The following ATIC variants were observed in gnomAD, a reference collection of about 807,000 sequenced individuals.
ATIC encodes the protein 5-aminoimidazole-4-carboxamide ribonucleotide formyltransferase/IMP cyclohydrolase, also known as bifunctional purine biosynthesis protein ATIC.
A neutral mutation model predicts 72.5 loss-of-function variants in ATIC; 64 were observed. The observed-to-expected ratio is 0.88, with a 90% CI of 0.72 to 1.09. The LOEUF (loss-of-function observed/expected upper bound fraction) is 1.09. Among genes scored for constraint, ATIC ranks in the 50% least tolerant of loss-of-function variants. The pLI is 0.00. For missense variants in ATIC, 787 were observed against 732.4 expected, an observed-to-expected ratio of 1.07 and a Z score of -0.86; for synonymous variants, 281 against 267.1, an observed-to-expected ratio of 1.05 and a Z score of -0.51.
chr2:215,332,530 G>T (rs781187321), intron 8 of ATIC, 23 bp downstream of exon 8: 2 of 1,612,486 alleles, frequency 1.2e-6, no homozygotes, highest in African/African-American at 2.7e-5. Context: ...GCTCTGGAAA[G>T]CTCCAGAATT....
At chr2:215,333,292 A>G in intron 8 of ATIC, 58 bp from the exon 9 acceptor site, 4 of 1,415,536 alleles carry the variant, frequency 2.8e-6, no homozygotes, top group Non-Finnish European at 4.0e-6. Context: ...TTGATTTAGG[A>G]GTTGACAGGT....
chr2:215,321,992 C>T lies in ATIC; in HGVS notation c.290+2261C>T, dbSNP rs2052772440. 2.0e-5 allele frequency among the ~76,000 whole-genome samples: 3 copies of T among 152,168 alleles called. No homozygotes were observed. In the South Asian group the frequency reaches 6.2e-4, roughly 32 times the overall value. On this transcript the variant is annotated intron_variant, in intron 4 of 15. Coordinates refer to ENST00000236959, the MANE Select transcript of ATIC (RefSeq NM_004044.7). ...CATCTTGGCTCACTGCAACCTCCAC[C>T]TCCCGGATTCAAGCGATTCTGCCTC...
In ATIC at chr2:215,332,306, A is replaced by G; in HGVS notation, c.689-76A>G. ...CTTAAAACATTTGTTTAGTCATGTT[A>G]TTTTTTTGAGAAGTGTGCATACATC... is the stretch of plus-strand genomic sequence containing the variant. On this transcript the variant is annotated intron_variant, in intron 7 of 15. Coordinates refer to ENST00000236959, the MANE Select transcript of ATIC (RefSeq NM_004044.7). 4 of 1,586,184 alleles carry G rather than the reference A, an allele frequency of 2.5e-6. No homozygotes were observed. In the Admixed American group the frequency reaches 6.7e-5, roughly 27 times the overall value.
chr2:215,347,736 C>A (rs2106045277), intron 14 of ATIC: 1 of 469,094 alleles, frequency 2.1e-6, no homozygotes, highest in Non-Finnish European at 4.2e-6. Context: ...TTGATATTAC[C>A]AGTCAACCCC....
the ATIC span, among the ~76,000 whole-genome samples, chr2:215,355,261 A>G: frequency 6.6e-6 from 1 of 152,176 alleles, no homozygotes; most frequent in South Asian, 2.1e-4. Context: ...CCCCATTAAC[A>G]TATATATGTC....
chr2:215,361,530 T>C, the ATIC span: 15 of 1,522,186 alleles, frequency 9.9e-6, no homozygotes, highest in African/African-American at 1.4e-5. Flanking sequence ...GAGACATGCT[T>C]GTTCCTCTGG....
At chr2:215,353,629 T>C (rs2053146750), downstream of ATIC, among the ~76,000 whole-genome samples, 1 of 152,138 alleles carries the variant, frequency 6.6e-6, no homozygotes, top group Non-Finnish European at 1.5e-5. Flanking sequence ...TGGCATGCTC[T>C]CAGCTCACTG....
chr2:215,344,691 C>A (rs565954676), intron 12 of ATIC, 88 bp from the exon 13 acceptor site: 6 of 1,323,924 alleles, frequency 4.5e-6, no homozygotes, highest in South Asian at 2.5e-5. Flanking sequence ...CTCAAAAAAA[C>A]CACAAAAAAT....
intron 2 of ATIC, among the ~76,000 whole-genome samples, chr2:215,313,045 C>T (rs1559264351): frequency 6.6e-6 from 1 of 151,992 alleles, no homozygotes; most frequent in Non-Finnish European, 1.5e-5. Flanking sequence ...TGTGGTGAGC[C>T]GAGATGGCAC....
intron 2 of ATIC, among the ~76,000 whole-genome samples, chr2:215,316,653 C>G (rs1016718594): frequency 5.1e-4 from 77 of 152,190 alleles, no homozygotes; most frequent in African/African-American, 1.8e-3. Flanking sequence ...GATTGTAATT[C>G]TTAACATGCT....
intron 3 of ATIC, 134 bp downstream of exon 3, chr2:215,318,367 G>T: frequency 1.2e-6 from 1 of 855,302 alleles, no homozygotes; most frequent in East Asian, 2.6e-5. Context: ...TGAAGTTGCT[G>T]CCAGATTTCA....
the ATIC span, chr2:215,362,150 G>A: frequency 2.5e-6 from 3 of 1,201,424 alleles, no homozygotes; most frequent in Non-Finnish European, 3.7e-6. Context: ...TAGTGTTTGA[G>A]TTAAAGAAAA....
rs544195087 is a variant in ATIC, at chr2:215,334,274, A to C, written c.923-645A>C. Among the ~76,000 whole-genome samples the C allele has an allele frequency of 3.5e-5, 5 of 143,676 alleles. No homozygotes were observed. The Admixed American group carries it at 3.7e-4, about 11-fold the overall frequency. The allele number at this position is 143,676 out of a possible 152,430, so 94.3% of individuals were successfully genotyped here. On this transcript the variant is annotated intron_variant, in intron 9 of 15. Coordinates refer to ENST00000236959, the MANE Select transcript of ATIC (RefSeq NM_004044.7). ...AGTGGCGCCATCTCAGCTCACTGCA[A>C]CCTCCACCTCCTGGGTTCAAGCGAT...
chr2:215,359,716 A>C, the ATIC span, among the ~76,000 whole-genome samples: 1 of 148,682 alleles, frequency 6.7e-6, no homozygotes, highest in Non-Finnish European at 1.5e-5. Flanking sequence ...ACTGTAAATC[A>C]ATTCAAATGG....
intron 8 of ATIC, 64 bp from the exon 9 acceptor site, chr2:215,333,286 T>G: frequency 7.2e-7 from 1 of 1,380,894 alleles, no homozygotes; most frequent in Non-Finnish European, 1.0e-6. Flanking sequence ...ACTGTCTTGA[T>G]TTAGGAGTTG....
chr2:215,340,135 T>C (rs182906194), intron 12 of ATIC, among the ~76,000 whole-genome samples: 246 of 152,324 alleles, frequency 1.6e-3, no homozygotes, highest in Non-Finnish European at 2.7e-3. Flanking sequence ...TGTTTTTATA[T>C]AGACAAGTTT....
chr2:215,364,602 G>T, the ATIC span: 23 of 526,678 alleles, frequency 4.4e-5, no homozygotes, highest in Admixed American at 4.4e-4. Flanking sequence ...TAAATGACAG[G>T]TGTTGCTATT....
chr2:215,339,024 C>A, intron 12 of ATIC, 117 bp downstream of exon 12: 1 of 1,360,680 alleles, frequency 7.3e-7, no homozygotes, highest in Non-Finnish European at 1.0e-6. Flanking sequence ...ATGCACACGG[C>A]TAGCTAGCTT....
rs556853914 is a variant in ATIC, at chr2:215,344,797, C to G, written c.1246C>G (p.Arg416Gly). The G allele has an allele frequency of 3.1e-6, 5 of 1,613,938 alleles. No homozygotes were observed. The highest frequency in any genetic ancestry group is 4.2e-6 in the Non-Finnish European group (5 of 1,180,006). Residue 416 changes from arginine (R) to glycine (G), a missense_variant, in exon 13 of 16, where the codon CGA becomes GGA. Physicochemically the swap from Arg to Gly is moderately radical, Grantham distance 125 (BLOSUM62 -2). Coordinates refer to ENST00000236959, the MANE Select transcript of ATIC (RefSeq NM_004044.7). ...GTTTCAGTTGCCAGAGTCTGCCCTC[C>G]GAGACCTCATCGTAGCCACCATTGC... The part of the protein sequence containing the change: ...KNKDLPESAL[R>G]DLIVATIAVK...
Sources: allele counts gnomAD v4.1 joint callset (sites outside exome capture counted in the v4.1 genomes callset), GRCh38; gene constraint gnomAD v4.1.1; transcripts MANE v1.5; gene names NCBI Gene and HGNC (gene_info 2026-07-23, HGNC 2026-07-21).